Variants in DNM1 observed in about 807,000 individuals in gnomAD.
DNM1 encodes dynamin-1.
A neutral mutation model predicts 104.6 loss-of-function variants in DNM1; 29 were observed. That is an observed-to-expected ratio of 0.28 (90% confidence interval 0.21 to 0.38). DNM1 has a LOEUF of 0.38. Among genes scored for constraint, DNM1 ranks in the 10% least tolerant of loss-of-function variants. The pLI, the probability that DNM1 is intolerant of heterozygous loss-of-function variation, is 1.00. For synonymous variants in DNM1, 445 were observed against 475.8 expected (o/e 0.94, Z 0.84); for missense variants, 640 against 1,189.4 (o/e 0.54, Z 6.79).
intron 15 of DNM1, chr9:128,244,666 C>A: frequency 2.1e-6 from 1 of 485,842 alleles, no homozygotes; most frequent in Non-Finnish European, 4.3e-6. Context: ...TGGCTCCAGG[C>A]TCCGGTTCTG....
At position 128,247,233 on chromosome 9, in the gene DNM1, G is replaced by A. The variant is rs1000145942; in HGVS notation, c.1782-142G>A. Reference sequence around the variant, plus strand: ...TTCCCAGTGAGGAAACTGAGGCTGAGAGGAAGGGACTTGCACAGGGTCACA... The same window carrying A: ...TTCCCAGTGAGGAAACTGAGGCTGAAAGGAAGGGACTTGCACAGGGTCACA... On this transcript the variant is annotated intron_variant, in intron 16 of 21. Coordinates refer to ENST00000372923, the MANE Select transcript of DNM1 (RefSeq NM_004408.4). The surrounding 1 kb of genome is among the most constrained non-coding windows in gnomAD (Gnocchi z 5.1). The A allele has an allele frequency of 1.8e-5, 10 of 561,076 alleles. No homozygotes were observed. The highest frequency in any genetic ancestry group is 1.7e-4 in the African/African-American group (9 of 53,726). The allele number at this position is 561,076 out of a possible 1,614,324, so 34.8% of individuals were successfully genotyped here.
chr9:128,220,266 C>G lies in DNM1; in HGVS notation c.774C>G (p.Phe258Leu), dbSNP rs146211149. The G allele has an allele frequency of 1.2e-5, 19 of 1,614,130 alleles. No homozygotes were observed. The highest frequency in any genetic ancestry group is 3.4e-6 in the Non-Finnish European group (4 of 1,180,052). The change falls in exon 6 of 22, where the codon TTC becomes TTG. Residue 258 changes from phenylalanine to leucine, a missense_variant. Phe to Leu is a conservative substitution (Grantham distance 22). Coordinates refer to ENST00000372923, the MANE Select transcript of DNM1 (RefSeq NM_004408.4). The surrounding 1 kb of genome is among the most constrained non-coding windows in gnomAD (Gnocchi z 5.2). The stretch of plus-strand genomic sequence containing the variant: ...CCGCCTTGGCTGCTGAACGAAAGTT[C>G]TTCCTCTCCCATCCATCTTATCGCC... ...ITAALAAERK[F>L]FLSHPSYRHL... is the part of the protein sequence containing the mutation.
In DNM1 at chr9:128,218,915, T is replaced by C. The variant is rs1834776165; in HGVS notation, c.386-134T>C. The stretch of plus-strand genomic sequence containing the variant: ...CCACGCCTCCAACAGACTGCCACTT[T>C]CGCCCTGAGATTTCCTAGTCCCACC... On this transcript the variant is annotated intron_variant, in intron 3 of 21. Transcript: ENST00000372923. The surrounding 1 kb of genome is among the most constrained non-coding windows in gnomAD (Gnocchi z 4.8). 7.7e-7 allele frequency: 1 copy of C among 1,292,106 alleles called. No individual in the cohort carries two copies. The highest frequency in any genetic ancestry group is 1.5e-5 in the African/African-American group (1 of 68,082). 80.0% of individuals were successfully genotyped at this position (1,292,106 alleles called of 1,614,324 possible). A position where few individuals can be genotyped will look rare whatever the true frequency, so the allele number is the denominator to read the frequency against.
Position 128,243,528 on chromosome 9 carries a change from G to T in DNM1, c.1671+1183G>T, listed in dbSNP as rs561976937. 8.5e-5 allele frequency among the ~76,000 whole-genome samples: 13 copies of T among 152,338 alleles called. No individual in the cohort carries two copies. In the South Asian group the frequency reaches 1.9e-3, roughly 22 times the overall value. On this transcript the variant is annotated intron_variant, in intron 15 of 21. Transcript: ENST00000372923. This position sits in a 1 kb window ranked among gnomAD's most constrained non-coding sequence, Gnocchi z 4.0. Reference sequence around the variant, plus strand: ...GGGCCCTCTGTCGTCACTGGCGGGGGCGCCAAGCCATCTGGACCTCATTAC... The same window carrying T: ...GGGCCCTCTGTCGTCACTGGCGGGGTCGCCAAGCCATCTGGACCTCATTAC...
intron 1 of DNM1, among the ~76,000 whole-genome samples, chr9:128,210,371 T>C (rs1470642409): frequency 2.0e-5 from 3 of 149,554 alleles, no homozygotes; most frequent in Non-Finnish European, 4.4e-5. Context: ...ATTATTATTA[T>C]TATTATTAGA....
Position 128,254,575 on chromosome 9 carries a change from CCGTGTG to C in DNM1, c.2535-77_2535-72del. On this transcript the variant is annotated intron_variant, in intron 21 of 21. Coordinates refer to ENST00000372923, the MANE Select transcript of DNM1 (RefSeq NM_004408.4). This position sits in a 1 kb window ranked among gnomAD's most constrained non-coding sequence, Gnocchi z 6.1. ...ACTGCTGCGGCGCGGCCGGCCCCGG[CCGTGTG>C]CTGCGCTTGCCTTACCAGCTCTCTC... 1 of 1,590,062 alleles carries C rather than the reference CCGTGTG, an allele frequency of 6.3e-7. No homozygotes were observed. Among genetic ancestry groups the C allele is most frequent in the Admixed American group, 1.7e-5 (1 of 59,604 alleles).
rs1835218116 is a variant in DNM1 at position 128,224,438 on chromosome 9, A to G, written c.1335+49A>G. 1.3e-6 allele frequency: 2 copies of G among 1,561,566 alleles called. No homozygotes were observed. Among genetic ancestry groups the G allele is most frequent in the Non-Finnish European group, 1.7e-6 (2 of 1,148,304 alleles). ...CCCCACCGCCTCTGCCCCGCCCTGC[A>G]CTGCTGCCAGGCGCTCCTTCCCCAT... On this transcript the variant is annotated intron_variant, in intron 10 of 21. Transcript: ENST00000372923. The surrounding 1 kb of genome is among the most constrained non-coding windows in gnomAD (Gnocchi z 4.3).
At position 128,248,454 on chromosome 9, in the gene DNM1, T is replaced by C. The variant is rs1330806747; in HGVS notation, c.1906-129T>C. On this transcript the variant is annotated intron_variant, in intron 18 of 21. Transcript: ENST00000372923. The surrounding 1 kb of genome is among the most constrained non-coding windows in gnomAD (Gnocchi z 5.6). ...GCACAGGGATGCGGAGCCAGGTATG[T>C]ATTCAGGCCAGTCGCTTCTCTCTGT... 3 of 1,023,500 alleles carry C rather than the reference T, an allele frequency of 2.9e-6. No individual in the cohort carries two copies. The highest frequency in any genetic ancestry group is 4.2e-6 in the Non-Finnish European group (3 of 711,696). 63.4% of individuals were successfully genotyped at this position (1,023,500 alleles called of 1,614,324 possible). A position where few individuals can be genotyped will look rare whatever the true frequency, so the allele number is the denominator to read the frequency against.
In DNM1 at chr9:128,240,827, G is replaced by C. The variant is rs942234697; in HGVS notation, c.1557+831G>C. 1 of 153,374 alleles carries C rather than the reference G, an allele frequency of 6.5e-6. No individual in the cohort carries two copies. The highest frequency in any genetic ancestry group is 2.4e-5 in the African/African-American group (1 of 41,466). 9.5% of individuals were successfully genotyped at this position (153,374 alleles called of 1,614,324 possible). Reference sequence around the variant, plus strand: ...CCCCTGAGAGCTCCATGCAGGGTGGGAGTTGGGAGAGCAGGAGGTCCCTGG... The same window carrying C: ...CCCCTGAGAGCTCCATGCAGGGTGGCAGTTGGGAGAGCAGGAGGTCCCTGG... On this transcript the variant is annotated intron_variant, in intron 14 of 21. Coordinates refer to ENST00000372923, the MANE Select transcript of DNM1 (RefSeq NM_004408.4). The surrounding 1 kb of genome is among the most constrained non-coding windows in gnomAD (Gnocchi z 5.1).
At chr9:128,232,216 G>C in intron 10 of DNM1, 3 of 371,906 alleles carry the variant, frequency 8.1e-6, no homozygotes, top group South Asian at 5.9e-5. Flanking sequence ...CTGGGAGGGA[G>C]CACTTGGGAC....
chr9:128,252,237 G>A lies in DNM1; in HGVS notation c.2534+1297G>A, dbSNP rs145361995. The stretch of plus-strand genomic sequence containing the variant: ...GGAGCACTTTGCTAACTGCCAACGT[G>A]AGTTCAGATTCTTCAGGGTATTTGG... On this transcript the variant is annotated intron_variant, in intron 21 of 21. Coordinates refer to ENST00000372923, the MANE Select transcript of DNM1 (RefSeq NM_004408.4). 2.2e-3 allele frequency: 568 copies of A among 262,328 alleles called. 4 individuals carry two copies. The highest frequency in any genetic ancestry group is 5.7e-3 in the South Asian group (149 of 26,284). The allele number at this position is 262,328 out of a possible 1,614,324, so 16.3% of individuals were successfully genotyped here.
Position 128,250,288 on chromosome 9 carries a change from C to T in DNM1, c.2250C>T (p.Val750=). Residue 750 remains valine, a synonymous_variant, in exon 20 of 22, where the codon GTC becomes GTT. Coordinates refer to ENST00000372923, the MANE Select transcript of DNM1 (RefSeq NM_004408.4). ...SIIGDINTTT[V]STPMPPPVDD... Reference sequence around the variant, plus strand: ...TCGGCGACATCAACACGACCACCGTCAGCACGCCCATGCCCCCGCCCGTGG... The same window carrying T: ...TCGGCGACATCAACACGACCACCGTTAGCACGCCCATGCCCCCGCCCGTGG... 6.2e-7 allele frequency: 1 copy of T among 1,612,488 alleles called. No individual in the cohort carries two copies. Among genetic ancestry groups the T allele is most frequent in the Non-Finnish European group, 8.5e-7 (1 of 1,179,356 alleles).
In DNM1 at chr9:128,243,994, T is replaced by C. The variant is rs1266952710; in HGVS notation, c.1671+1649T>C. 3.3e-5 allele frequency among the ~76,000 whole-genome samples: 5 copies of C among 151,208 alleles called. No homozygotes were observed. The highest frequency in any genetic ancestry group is 1.2e-4 in the African/African-American group (5 of 41,068). ...GGCTTGTGGGTCTGGTGTGTGGGTG[T>C]TTTTTAGGAGTGTGATTGGAGTATA... On this transcript the variant is annotated intron_variant, in intron 15 of 21. Transcript: ENST00000372923. This position sits in a 1 kb window ranked among gnomAD's most constrained non-coding sequence, Gnocchi z 4.0.
Position 128,250,834 on chromosome 9 carries a change from G to C in DNM1, c.2428G>C (p.Gly810Arg), listed in dbSNP as rs1829474004. The C allele has an allele frequency of 7.6e-7, 1 of 1,309,800 alleles. No individual in the cohort carries two copies. Among genetic ancestry groups the C allele is most frequent in the African/African-American group, 1.5e-5 (1 of 64,642 alleles). The allele number at this position is 1,309,800 out of a possible 1,614,324, so 81.1% of individuals were successfully genotyped here. Residue 810 changes from glycine to arginine, a missense_variant, in exon 21 of 22, where the codon GGG (glycine) becomes CGG (arginine). Transcript: ENST00000372923. ...PGPPPAGSAL[G>R]GAPPVPSRPG... ...GCCTCCGCCTGCTGGGTCCGCCCTG[G>C]GGGGGGCGCCCCCCGTGCCCTCCAG... is the stretch of plus-strand genomic sequence containing the variant.
chr9:128,220,299 T>G lies in DNM1; in HGVS notation c.807T>G (p.Ala269=). The change falls in exon 6 of 22, where the codon GCT becomes GCG. Residue 269 remains alanine (A), a synonymous_variant. Transcript: ENST00000372923. The surrounding 1 kb of genome is among the most constrained non-coding windows in gnomAD (Gnocchi z 5.2). ...FLSHPSYRHL[A]DRMGTPYLQK... ...CCCATCCATCTTATCGCCACTTGGC[T>G]GACCGTATGGGCACGCCCTACCTGC... is the stretch of plus-strand genomic sequence containing the variant. The G allele has an allele frequency of 6.2e-7, 1 of 1,614,216 alleles. No homozygotes were observed. The highest frequency in any genetic ancestry group is 1.3e-5 in the African/African-American group (1 of 75,054).
At position 128,222,674 on chromosome 9, in the gene DNM1, T is replaced by C. The variant is rs1267612426; in HGVS notation, c.1128+78T>C. ...CTCAGGACTCTCTCTGCGTGTGTTT[T>C]TGCTGGCCCCCACCCCACAGGCCCT... On this transcript the variant is annotated intron_variant, in intron 8 of 21. Transcript: ENST00000372923. This position sits in a 1 kb window ranked among gnomAD's most constrained non-coding sequence, Gnocchi z 7.8. 1 of 1,604,066 alleles carries C rather than the reference T, an allele frequency of 6.2e-7. No individual in the cohort carries two copies. Among genetic ancestry groups the C allele is most frequent in the Non-Finnish European group, 8.5e-7 (1 of 1,173,262 alleles).
intron 20 of DNM1, 69 bp from the exon 21 acceptor site, chr9:128,250,656 G>T (rs114569685): frequency 3.8e-6 from 5 of 1,299,302 alleles, no homozygotes; most frequent in Non-Finnish European, 5.0e-6. Flanking sequence ...CTGGGCTGGG[G>T]CGGGGCCTCT....
intron 10 of DNM1, among the ~76,000 whole-genome samples, chr9:128,231,639 T>A (rs60271489): frequency 0.042 from 6,386 of 152,290 alleles, 473 homozygotes; most frequent in African/African-American, 0.14. Flanking sequence ...CTGCCAGAAG[T>A]TTAATGAGTG....
rs1410797201 is a variant in DNM1, at chr9:128,247,089, A to G, written c.1782-286A>G. On this transcript the variant is annotated intron_variant, in intron 16 of 21. Coordinates refer to ENST00000372923, the MANE Select transcript of DNM1 (RefSeq NM_004408.4). The surrounding 1 kb of genome is among the most constrained non-coding windows in gnomAD (Gnocchi z 5.1). ...TGGTGGGATCTGGGCCCCAAGCTAG[A>G]GACTTCACTGACTATGGTTGTCCTC... 1.0e-5 allele frequency: 3 copies of G among 299,818 alleles called. No individual in the cohort carries two copies. Among genetic ancestry groups the G allele is most frequent in the African/African-American group, 6.4e-5 (3 of 47,238 alleles). 18.6% of individuals were successfully genotyped at this position (299,818 alleles called of 1,614,324 possible).
Sources: gnomAD v4.1 joint callset for allele counts (sites outside exome capture counted in the v4.1 genomes callset) on GRCh38, gnomAD v4.1.1 for gene constraint, Gnocchi (gnomAD v3.1) non-coding constraint, MANE v1.5 for transcripts, NCBI Gene and HGNC (gene_info 2026-07-23, HGNC 2026-07-21) for gene names.